GPAT3: variants seen among roughly 807,000 people sequenced by gnomAD.
GPAT3 encodes the protein 1-AGP acyltransferase 9.
A neutral mutation model predicts 58.8 loss-of-function variants in GPAT3; 53 were observed. That is an observed-to-expected ratio of 0.90 (90% confidence interval 0.72 to 1.13). The LOEUF is 1.13. Among genes scored for constraint, GPAT3 ranks in the 50% most tolerant of loss-of-function variants. The pLI, the probability that GPAT3 is intolerant of heterozygous loss-of-function variation, is 0.00. For missense variants in GPAT3, 511 were observed against 527.6 expected (o/e 0.97, Z 0.31); for synonymous variants, 197 against 187.4 (o/e 1.05, Z -0.42).
chr4:83,577,122 C>T (rs1725849139), intron 2 of GPAT3, among the ~76,000 whole-genome samples: 1 of 152,136 alleles, frequency 6.6e-6, no homozygotes, highest in Admixed American at 6.5e-5. Context: ...TGCATCTAAT[C>T]ATGAAGAAAC....
chr4:83,587,413 C>T, intron 4 of GPAT3, 84 bp downstream of exon 4: 1 of 1,168,054 alleles, frequency 8.6e-7, no homozygotes, highest in South Asian at 1.4e-5. Flanking sequence ...TGTTTGATTC[C>T]TATGTATTGC....
At chr4:83,596,466 CA>C (rs920070896) in intron 7 of GPAT3, among the ~76,000 whole-genome samples, 13 of 151,828 alleles carry the variant, frequency 8.6e-5, no homozygotes, top group African/African-American at 3.1e-4. Context: ...ACAAAAAATA[CA>C]AAAACTTAGC....
At chr4:83,581,422 T>A in intron 2 of GPAT3, 140 bp from the exon 3 acceptor site, 2 of 876,586 alleles carry the variant, frequency 2.3e-6, no homozygotes, top group East Asian at 2.5e-5. Context: ...GTTTGTCTCT[T>A]ACTTCTGAAG....
chr4:83,597,378 TA>T, intron 8 of GPAT3, 51 bp from the exon 9 acceptor site: 1 of 981,790 alleles, frequency 1.0e-6, no homozygotes, highest in Non-Finnish European at 1.4e-6. Context: ...AATTTATTTT[TA>T]AAATGACTGC....
At chr4:83,544,224 A>G (rs867279969) in intron 1 of GPAT3, among the ~76,000 whole-genome samples, 25 of 152,216 alleles carry the variant, frequency 1.6e-4, no homozygotes, top group Admixed American at 2.0e-4. Flanking sequence ...TGATGCCGTG[A>G]CCTGTACTCA....
intron 2 of GPAT3, among the ~76,000 whole-genome samples, chr4:83,563,150 T>C (rs931107198): frequency 6.6e-6 from 1 of 152,230 alleles, no homozygotes; most frequent in African/African-American, 2.4e-5. Context: ...TGAACCATCA[T>C]ACTGATGTTT....
chr4:83,595,388 ATGAT>A (rs1726784144), intron 7 of GPAT3: 1 of 152,712 alleles, frequency 6.5e-6, no homozygotes, highest in Admixed American at 6.5e-5. Flanking sequence ...TGCTAAATAT[ATGAT>A]TGATTAAGTG....
chr4:83,582,243 A>T (rs1363556706), intron 3 of GPAT3, among the ~76,000 whole-genome samples: 1 of 152,242 alleles, frequency 6.6e-6, no homozygotes, highest in East Asian at 1.9e-4. Flanking sequence ...AGTCCATAGC[A>T]CTTCATAACT....
At chr4:83,604,174 C>A (rs542069935) in intron 11 of GPAT3, among the ~76,000 whole-genome samples, 1 of 152,088 alleles carries the variant, frequency 6.6e-6, no homozygotes, top group African/African-American at 2.4e-5. Flanking sequence ...CGGGTTCAAG[C>A]GATTCTCCTG....
chr4:83,554,837 T>C (rs1037758761), intron 2 of GPAT3, among the ~76,000 whole-genome samples: 3 of 148,284 alleles, frequency 2.0e-5, no homozygotes, highest in African/African-American at 7.5e-5. Context: ...GGAGTCTTGC[T>C]GTGTCACCTA....
chr4:83,596,109 A>G (rs1726817921), intron 7 of GPAT3, among the ~76,000 whole-genome samples: 1 of 152,164 alleles, frequency 6.6e-6, no homozygotes, highest in African/African-American at 2.4e-5. Context: ...TGGTGTGCAA[A>G]TGGAAAGTTC....
chr4:83,540,007 A>G (rs192280302), intron 1 of GPAT3, among the ~76,000 whole-genome samples: 6 of 152,158 alleles, frequency 3.9e-5, no homozygotes, highest in East Asian at 3.9e-4. Flanking sequence ...AAAATACAAA[A>G]ATTAGCCAAG....
chr4:83,554,844 C>T (rs1215124311), intron 2 of GPAT3, among the ~76,000 whole-genome samples: 1 of 145,736 alleles, frequency 6.9e-6, no homozygotes, highest in Non-Finnish European at 1.5e-5. Flanking sequence ...TGCTGTGTCA[C>T]CTAGGCTGGA....
chr4:83,562,186 T>TATATATATATAATATATATATATA (rs1725156055), intron 2 of GPAT3, among the ~76,000 whole-genome samples: 1 of 49,342 alleles, frequency 2.0e-5, no homozygotes, highest in African/African-American at 1.2e-4. Flanking sequence ...ATATTATATA[T>TATATATATATAATATATATATATA]ATATATATAT....
Position 83,594,969 on chromosome 4 carries a change from T to C in GPAT3, c.854+9T>C, listed in dbSNP as rs1726762948. 6.2e-7 allele frequency: 1 copy of C among 1,609,944 alleles called. No individual in the cohort carries two copies. The highest frequency in any genetic ancestry group is 8.5e-7 in the Non-Finnish European group (1 of 1,176,400). On this transcript the variant is annotated intron_variant, in intron 7 of 11. Transcript: ENST00000264409. ...CACCTGGTTACTAAGAGGTAAGCAG[T>C]GAAATTACTCAGCATTCACTGGAGT...
At chr4:83,557,825 G>A (rs1724993293) in intron 2 of GPAT3, among the ~76,000 whole-genome samples, 1 of 152,196 alleles carries the variant, frequency 6.6e-6, no homozygotes, top group Admixed American at 6.5e-5. Flanking sequence ...TTTATTGTTT[G>A]AGGTAGTATT....
chr4:83,566,827 T>C (rs1725413074), intron 2 of GPAT3, among the ~76,000 whole-genome samples: 1 of 151,864 alleles, frequency 6.6e-6, no homozygotes, highest in Admixed American at 6.6e-5. Context: ...AGGTTTTCTT[T>C]TGTATCCTTA....
chr4:83,573,174 A>G (rs942852332), intron 2 of GPAT3, among the ~76,000 whole-genome samples: 2 of 152,068 alleles, frequency 1.3e-5, no homozygotes, highest in African/African-American at 4.8e-5. Flanking sequence ...TCACTCTGTC[A>G]CCCAGGCTGG....
chr4:83,581,308 G>A (rs1002035969), intron 2 of GPAT3, among the ~76,000 whole-genome samples: 1 of 151,764 alleles, frequency 6.6e-6, no homozygotes, highest in Non-Finnish European at 1.5e-5. Flanking sequence ...CCAAACAAGA[G>A]GATTATGGAG....
Sources: allele counts gnomAD v4.1 joint callset (sites outside exome capture counted in the v4.1 genomes callset), GRCh38; gene constraint gnomAD v4.1.1; transcripts MANE v1.5; gene names NCBI Gene and HGNC (gene_info 2026-07-23, HGNC 2026-07-21).